The following CLEC4C variants were observed in gnomAD, a reference collection of about 807,000 sequenced individuals.
CLEC4C encodes the protein C-type (calcium dependent, carbohydrate-recognition domain) lectin, superfamily member 11.
Under a neutral mutation model 27.7 loss-of-function variants are expected in CLEC4C, and 17 were observed. That is an observed-to-expected ratio of 0.61 (90% CI 0.42 to 0.92). The LOEUF (loss-of-function observed/expected upper bound fraction) is 0.92, where lower values mean the gene tolerates loss of function less well. Ranked by LOEUF, CLEC4C falls within the 40% of genes least tolerant of loss-of-function variation. The pLI is 0.00. For synonymous variants in CLEC4C, 80 were observed against 80.8 expected (o/e 0.99, Z 0.06); for missense variants, 244 against 257.3 (o/e 0.95, Z 0.35).
chr12:7,737,495 AGT>A lies in CLEC4C; in HGVS notation c.313_314del (p.Thr105Ter). Reference sequence around the variant, plus strand: ...TCACAGAACAGTTCTTTTGACTCTTAGTCCAAGATTGCATCCCAGTAGAAATA... The same window carrying A: ...TCACAGAACAGTTCTTTTGACTCTTACCAAGATTGCATCCCAGTAGAAATA... ...YFISTGMQSW[T>X]KSQKNCSVMG... On this transcript the variant is annotated frameshift_variant, in exon 4 of 6. Coordinates refer to ENST00000360345, the MANE Select transcript of CLEC4C (RefSeq NM_001371390.1). LOFTEE classifies it high-confidence loss of function. 1 of 1,614,038 alleles carries A rather than the reference AGT, an allele frequency of 6.2e-7. No individual in the cohort carries two copies. The highest frequency in any genetic ancestry group is 8.5e-7 in the Non-Finnish European group (1 of 1,179,966).
chr12:7,740,275 G>C (rs1347213451), intron 3 of CLEC4C, among the ~76,000 whole-genome samples: 4 of 152,044 alleles, frequency 2.6e-5, no homozygotes, highest in African/African-American at 9.7e-5. Flanking sequence ...ACTATGCCAG[G>C]CATAATTTTA....
rs140804125 is a variant in CLEC4C, at chr12:7,730,383, G to A, written c.497+414C>T. Among the ~76,000 whole-genome samples the A allele has an allele frequency of 4.6e-3, 700 of 152,322 alleles. 28 individuals are homozygous for A. The South Asian group carries it at 0.06, about 13-fold the overall frequency. ...TGGCCGGGGATGGTGGCTCACACCTGTAATCTCAGCACTTTGGGAGGCCAA... is the reference window on the plus strand; with the variant it reads ...TGGCCGGGGATGGTGGCTCACACCTATAATCTCAGCACTTTGGGAGGCCAA... On this transcript the variant is annotated intron_variant, in intron 5 of 5. Transcript: ENST00000360345.
intron 3 of CLEC4C, among the ~76,000 whole-genome samples, chr12:7,738,865 G>A (rs1278874610): frequency 3.3e-5 from 5 of 151,946 alleles, no homozygotes; most frequent in East Asian, 1.9e-4. Flanking sequence ...TGTGCACAAC[G>A]TGCAGGTTAC....
chr12:7,736,680 G>A lies in CLEC4C; in HGVS notation c.381+749C>T, dbSNP rs192450968. ...TCCCAGCACTTTGGGAGGCCGAGAC[G>A]GGCAGATCACGAGGTCAGGAGATCC... On this transcript the variant is annotated intron_variant, in intron 4 of 5. Transcript: ENST00000360345. 9.5e-4 allele frequency among the ~76,000 whole-genome samples: 144 copies of A among 151,842 alleles called. 1 individual carries two copies. The highest frequency in any genetic ancestry group is 3.4e-3 in the African/African-American group (140 of 41,426).
At chr12:7,745,870 C>T (rs1864962105) in intron 2 of CLEC4C, among the ~76,000 whole-genome samples, 1 of 151,990 alleles carries the variant, frequency 6.6e-6, no homozygotes, top group Non-Finnish European at 1.5e-5. Context: ...AGTAATAACT[C>T]ATTTTATTAG....
upstream of CLEC4C, chr12:7,747,632 CTTTT>C (rs201227947): frequency 2.1e-3 from 184 of 88,398 alleles, no homozygotes; most frequent in South Asian, 0.01. Context: ...GTCTGATTGT[CTTTT>C]TTTTTTTTTT....
chr12:7,738,699 G>A (rs960246428), intron 3 of CLEC4C, among the ~76,000 whole-genome samples: 2 of 152,022 alleles, frequency 1.3e-5, no homozygotes, highest in African/African-American at 4.8e-5. Flanking sequence ...ACAGAGTCTT[G>A]CTTCGTTGCC....
intron 3 of CLEC4C, 75 bp from the exon 4 acceptor site, chr12:7,737,649 G>T: frequency 7.0e-7 from 1 of 1,435,256 alleles, no homozygotes; most frequent in Non-Finnish European, 9.4e-7. Flanking sequence ...AGCTTAGCTT[G>T]CTAAGGTTTA....
chr12:7,739,081 C>CA (rs1864794244), intron 3 of CLEC4C, among the ~76,000 whole-genome samples: 1 of 151,552 alleles, frequency 6.6e-6, no homozygotes, highest in Admixed American at 6.6e-5. Flanking sequence ...TTTTACCTCT[C>CA]ACAGTTTTTC....
At chr12:7,729,778 G>C (rs765463076) in intron 5 of CLEC4C, 38 bp from the exon 6 acceptor site, 1 of 1,606,254 alleles carries the variant, frequency 6.2e-7, no homozygotes, top group Middle Eastern at 1.7e-4. Context: ...TTTTGAAACC[G>C]TGGTTTGGAA....
At chr12:7,732,341 TA>T (rs1431511064) in intron 4 of CLEC4C, among the ~76,000 whole-genome samples, 22 of 147,936 alleles carry the variant, frequency 1.5e-4, no homozygotes, top group Non-Finnish European at 2.6e-4. Flanking sequence ...CAGGTCACTT[TA>T]TTTTTTTATT....
At position 7,742,854 on chromosome 12, in the gene CLEC4C, T is replaced by C. The variant is rs770486703; in HGVS notation, c.125-1323A>G. On this transcript the variant is annotated intron_variant, in intron 2 of 5. Transcript: ENST00000360345. ...ATAAATAAATAAATAAATAAATAAA[T>C]AAACGTTATGCTCTTACAAAGTCTG... 9.3e-5 allele frequency among the ~76,000 whole-genome samples: 13 copies of C among 140,016 alleles called. No individual in the cohort carries two copies. In the East Asian group the frequency reaches 2.0e-3, roughly 22 times the overall value. 91.9% of individuals were successfully genotyped at this position (140,016 alleles called of 152,430 possible).
intron 2 of CLEC4C, among the ~76,000 whole-genome samples, chr12:7,742,503 T>C (rs1864878334): frequency 7.9e-6 from 1 of 126,136 alleles, no homozygotes; most frequent in African/African-American, 2.8e-5. Flanking sequence ...AGAGCCAGAC[T>C]TTGTCTCGAA....
chr12:7,738,907 C>A (rs770516778), intron 3 of CLEC4C, among the ~76,000 whole-genome samples: 2 of 151,978 alleles, frequency 1.3e-5, no homozygotes, highest in Non-Finnish European at 2.9e-5. Flanking sequence ...TGGTGTGCTG[C>A]ACCCATTAAC....
chr12:7,735,065 G>A (rs1864692523), intron 4 of CLEC4C, among the ~76,000 whole-genome samples: 1 of 151,720 alleles, frequency 6.6e-6, no homozygotes, highest in African/African-American at 2.4e-5. Context: ...GCCAGGAGCG[G>A]TGGCATGCAC....
Position 7,737,527 on chromosome 12 carries a change from A to G in CLEC4C, c.283T>C (p.Tyr95His), listed in dbSNP as rs774655325. The stretch of plus-strand genomic sequence containing the variant: ...GATTGCATCCCAGTAGAAATAAAGT[A>G]GCAACTAGACTGAAATGAAGTCCAA... ...TPWTSFQSSC[Y>H]FISTGMQSWT... Residue 95 changes from tyrosine to histidine, a missense_variant, in exon 4 of 6, where the codon TAC (tyrosine) becomes CAC (histidine). Transcript: ENST00000360345. 3 of 1,614,026 alleles carry G rather than the reference A, an allele frequency of 1.9e-6. No homozygotes were observed. The highest frequency in any genetic ancestry group is 2.7e-5 in the African/African-American group (2 of 75,060).
At chr12:7,736,295 ACT>A (rs1015581968) in intron 4 of CLEC4C, among the ~76,000 whole-genome samples, 6 of 152,134 alleles carry the variant, frequency 3.9e-5, no homozygotes, top group African/African-American at 1.4e-4. Context: ...ACAGAGTGAG[ACT>A]CTGTCTCAAA....
chr12:7,744,642 G>C (rs1864931083), intron 2 of CLEC4C, among the ~76,000 whole-genome samples: 1 of 151,620 alleles, frequency 6.6e-6, no homozygotes, highest in African/African-American at 2.4e-5. Context: ...TTTGAGACAG[G>C]GTCTCTCTGT....
chr12:7,749,537 A>G (rs1053171709), upstream of CLEC4C: 6 of 151,982 alleles, frequency 3.9e-5, no homozygotes, highest in Admixed American at 3.9e-4. Flanking sequence ...CCTGGGTGAC[A>G]GAGTGAGATT....
Sources: allele counts gnomAD v4.1 joint callset (sites outside exome capture counted in the v4.1 genomes callset), GRCh38; gene constraint gnomAD v4.1.1; transcripts MANE v1.5; gene names NCBI Gene and HGNC (gene_info 2026-07-23, HGNC 2026-07-21).